KCNIP4: variants seen among roughly 807,000 people sequenced by gnomAD.
KCNIP4 encodes the protein Kv channel-interacting protein 4.
A neutral mutation model predicts 34.0 loss-of-function variants in KCNIP4; 12 were observed. The ratio of observed to expected loss-of-function variants is 0.35; its 90% CI spans 0.23 to 0.57. KCNIP4 has a LOEUF of 0.57. Among genes scored for constraint, KCNIP4 ranks in the 20% least tolerant of loss-of-function variants. The pLI is 0.83. For synonymous variants in KCNIP4, 124 were observed against 102.2 expected (o/e 1.21, Z -1.29); for missense variants, 238 against 311.7 (o/e 0.76, Z 1.78).
chr4:21,071,415 C>T (rs541024248), intron 1 of KCNIP4, among the ~76,000 whole-genome samples: 1 of 152,166 alleles, frequency 6.6e-6, no homozygotes, highest in Non-Finnish European at 1.5e-5. Flanking sequence ...CAAATTTGAG[C>T]GTCTTTTTGG....
chr4:21,232,253 A>C (rs990373079), intron 1 of KCNIP4, among the ~76,000 whole-genome samples: 2 of 152,178 alleles, frequency 1.3e-5, no homozygotes, highest in Non-Finnish European at 2.9e-5. Flanking sequence ...TGTTGTGCAC[A>C]CAGAAGAGAA....
chr4:21,282,105 A>G (rs768820067), intron 1 of KCNIP4, among the ~76,000 whole-genome samples: 3 of 152,248 alleles, frequency 2.0e-5, no homozygotes, highest in Non-Finnish European at 2.9e-5. Context: ...GTAAGTTCTC[A>G]TAAGTGAGAC....
chr4:21,724,916 A>T (rs1460676406), intron 1 of KCNIP4, among the ~76,000 whole-genome samples: 1 of 152,064 alleles, frequency 6.6e-6, no homozygotes, highest in African/African-American at 2.4e-5. Context: ...CTAGCCTGAC[A>T]TTCTCTTTCC....
At chr4:21,562,677 G>A (rs1739563364) in intron 1 of KCNIP4, among the ~76,000 whole-genome samples, 1 of 151,888 alleles carries the variant, frequency 6.6e-6, no homozygotes, top group Non-Finnish European at 1.5e-5. Flanking sequence ...GTAGTAAACT[G>A]CATATTTTCT....
chr4:21,437,615 T>C (rs947257497), intron 1 of KCNIP4, among the ~76,000 whole-genome samples: 1 of 152,222 alleles, frequency 6.6e-6, no homozygotes, highest in African/African-American at 2.4e-5. Flanking sequence ...TTCTTTGTGT[T>C]AGTGGAACTG....
At chr4:21,838,737 G>T (rs1268945080) in intron 1 of KCNIP4, among the ~76,000 whole-genome samples, 3 of 151,948 alleles carry the variant, frequency 2.0e-5, no homozygotes, top group African/African-American at 7.3e-5. Context: ...CTATAGGGAG[G>T]TACAAACAGT....
At chr4:21,229,721 A>T (rs1466568834) in intron 1 of KCNIP4, among the ~76,000 whole-genome samples, 1 of 152,120 alleles carries the variant, frequency 6.6e-6, no homozygotes, top group Non-Finnish European at 1.5e-5. Context: ...GCATCATTGG[A>T]GGCGAGAGTA....
chr4:21,063,685 T>C (rs2043387), intron 1 of KCNIP4, among the ~76,000 whole-genome samples: 25,467 of 152,034 alleles, frequency 0.17, 2,192 homozygotes, highest in East Asian at 0.24. Flanking sequence ...ATAATATCAC[T>C]TTTAAATCAA....
chr4:20,864,223 C>T (rs920775763), intron 2 of KCNIP4, among the ~76,000 whole-genome samples: 11 of 144,502 alleles, frequency 7.6e-5, no homozygotes, highest in Admixed American at 2.8e-4. Flanking sequence ...TGTATATATG[C>T]ATATATATGT....
chr4:21,242,696 G>A (rs951499580), intron 1 of KCNIP4, among the ~76,000 whole-genome samples: 3 of 152,058 alleles, frequency 2.0e-5, no homozygotes, highest in Admixed American at 6.6e-5. Flanking sequence ...ACTGACAATG[G>A]ACTAAGATTT....
Position 21,879,149 on chromosome 4 carries a change from C to T in KCNIP4, c.61+69422G>A, listed in dbSNP as rs1280361482. On this transcript the variant is annotated intron_variant, in intron 1 of 8. Transcript: ENST00000382152. ...TTATATTGCAAAATGAAAATATGAA[C>T]ATATGCCATGTGATCACAGTCCGCT... Among the ~76,000 whole-genome samples, 3 of 152,156 alleles carry T rather than the reference C, an allele frequency of 2.0e-5. No individual in the cohort carries two copies. In the East Asian group the frequency reaches 5.8e-4, roughly 29 times the overall value.
At chr4:21,661,301 TTTGGGAGGCAG>T (rs1706749688) in intron 1 of KCNIP4, among the ~76,000 whole-genome samples, 1 of 152,164 alleles carries the variant, frequency 6.6e-6, no homozygotes, top group African/African-American at 2.4e-5. Context: ...TGGACAAGAA[TTTGGGAGGCAG>T]TGGGTACGGG....
intron 1 of KCNIP4, among the ~76,000 whole-genome samples, chr4:21,642,281 T>C (rs1416390506): frequency 6.6e-6 from 1 of 152,146 alleles, no homozygotes; most frequent in African/African-American, 2.4e-5. Flanking sequence ...GGTTACAGTG[T>C]CAGCTATGAG....
At chr4:21,460,266 C>A (rs1051684675) in intron 1 of KCNIP4, among the ~76,000 whole-genome samples, 9 of 151,960 alleles carry the variant, frequency 5.9e-5, no homozygotes, top group Admixed American at 5.9e-4. Context: ...CCCATATATT[C>A]ATGGTTTTTC....
At chr4:21,395,749 C>T (rs905179018) in intron 1 of KCNIP4, among the ~76,000 whole-genome samples, 17 of 152,120 alleles carry the variant, frequency 1.1e-4, no homozygotes, top group Admixed American at 6.6e-5. Flanking sequence ...TCATCATCAT[C>T]ATCATCATTA....
intron 1 of KCNIP4, among the ~76,000 whole-genome samples, chr4:21,945,725 A>G (rs1730476304): frequency 6.6e-6 from 1 of 151,822 alleles, no homozygotes; most frequent in Non-Finnish European, 1.5e-5. Context: ...ATTCTCTTTC[A>G]AACATAGTTG....
intron 1 of KCNIP4, among the ~76,000 whole-genome samples, chr4:21,710,657 C>A (rs1001812560): frequency 6.6e-6 from 1 of 152,142 alleles, no homozygotes; most frequent in African/African-American, 2.4e-5. Context: ...GTGGAATGAG[C>A]CCTGGACTGA....
chr4:21,261,881 A>G (rs963056203), intron 1 of KCNIP4, among the ~76,000 whole-genome samples: 11 of 152,078 alleles, frequency 7.2e-5, no homozygotes, highest in African/African-American at 2.4e-4. Flanking sequence ...TACACTTCTC[A>G]TGGTGGTTAG....
At chr4:21,928,434 A>G (rs1442184192) in intron 1 of KCNIP4, among the ~76,000 whole-genome samples, 2 of 152,314 alleles carry the variant, frequency 1.3e-5, no homozygotes, top group East Asian at 1.9e-4. Flanking sequence ...AGCACAAGTG[A>G]CAACTGGATG....
Sources: gnomAD v4.1 joint callset for allele counts (sites outside exome capture counted in the v4.1 genomes callset) on GRCh38, gnomAD v4.1.1 for gene constraint, MANE v1.5 for transcripts, NCBI Gene and HGNC (gene_info 2026-07-23, HGNC 2026-07-21) for gene names.